Variants in CSMD2 observed in about 807,000 individuals in gnomAD.
CSMD2 encodes CUB and sushi domain-containing protein 2.
A neutral mutation model predicts 398.5 loss-of-function variants in CSMD2; 130 were observed. That is an observed-to-expected ratio of 0.33 (90% CI 0.28 to 0.38). The LOEUF is 0.38. CSMD2 is among the 10% of genes least tolerant of loss of function. The pLI, the probability that CSMD2 is intolerant of heterozygous loss-of-function variation, is 1.00. For missense variants in CSMD2, 3,829 were observed against 4,764.9 expected, an observed-to-expected ratio of 0.80 and a Z score of 5.78; for synonymous variants, 1,828 against 1,908.5, an observed-to-expected ratio of 0.96 and a Z score of 1.10.
chr1:33,894,060 A>T (rs1642221537), intron 5 of CSMD2, among the ~76,000 whole-genome samples: 1 of 151,968 alleles, frequency 6.6e-6, no homozygotes, highest in Non-Finnish European at 1.5e-5. Context: ...TGGATAATGG[A>T]TTCTTCTTTT....
At chr1:33,754,640 T>C (rs2149282202) in intron 13 of CSMD2, among the ~76,000 whole-genome samples, 1 of 152,378 alleles carries the variant, frequency 6.6e-6, no homozygotes, top group South Asian at 2.1e-4. Flanking sequence ...GTTTCAATTA[T>C]GTGCAAGTGT....
At chr1:33,836,572 C>G (rs933633409) in intron 6 of CSMD2, among the ~76,000 whole-genome samples, 1 of 152,186 alleles carries the variant, frequency 6.6e-6, no homozygotes, top group Non-Finnish European at 1.5e-5. Context: ...GTGGGCACCC[C>G]TCCCCTAGCC....
chr1:34,066,112 C>T (rs931681016), intron 2 of CSMD2, among the ~76,000 whole-genome samples: 1 of 152,132 alleles, frequency 6.6e-6, no homozygotes, highest in African/African-American at 2.4e-5. Context: ...AATACATTCC[C>T]CATAGGGCTG....
At chr1:34,011,604 C>T (rs1193385801) in intron 3 of CSMD2, among the ~76,000 whole-genome samples, 1 of 151,904 alleles carries the variant, frequency 6.6e-6, no homozygotes, top group African/African-American at 2.4e-5. Context: ...TTGTTGAGTA[C>T]ATAGGTGTAT....
At chr1:34,077,897 T>A (rs902700379) in intron 2 of CSMD2, among the ~76,000 whole-genome samples, 98 of 152,218 alleles carry the variant, frequency 6.4e-4, no homozygotes, top group African/African-American at 2.3e-3. Context: ...GTGCAATGTA[T>A]CCATGTAAAG....
intron 28 of CSMD2, among the ~76,000 whole-genome samples, chr1:33,648,567 T>A (rs1643587329): frequency 2.0e-5 from 3 of 152,084 alleles, no homozygotes. Context: ...GGTAATGGGT[T>A]TTTTTCTTTT....
Position 34,027,615 on chromosome 1 carries a change from A to G in CSMD2, c.517+4979T>C, listed in dbSNP as rs562250479. ...ACAGAAGATGACTGGTTAGATAACTATGGTATATGCAAACCACAATGGCTT... is the reference window on the plus strand; with the variant it reads ...ACAGAAGATGACTGGTTAGATAACTGTGGTATATGCAAACCACAATGGCTT... On this transcript the variant is annotated intron_variant, in intron 3 of 70. Transcript: ENST00000373381. Among the ~76,000 whole-genome samples the G allele has an allele frequency of 4.5e-4, 68 of 152,354 alleles. 1 individual carries two copies. Among genetic ancestry groups the G allele is most frequent in the African/African-American group, 1.5e-3 (64 of 41,588 alleles).
At chr1:33,929,230 C>T (rs957339040) in intron 4 of CSMD2, among the ~76,000 whole-genome samples, 1 of 152,138 alleles carries the variant, frequency 6.6e-6, no homozygotes, top group Non-Finnish European at 1.5e-5. Flanking sequence ...GTCCCTCCAC[C>T]TCTACTCCGG....
rs112489487 is a variant in CSMD2 at position 33,918,251 on chromosome 1, T to C, written c.763A>G (p.Ser255Gly). 1 of 1,614,078 alleles carries C rather than the reference T, an allele frequency of 6.2e-7. No individual in the cohort carries two copies. Among genetic ancestry groups the C allele is most frequent in the East Asian group, 2.2e-5 (1 of 44,870 alleles). ...TLRGQSGIIS[S>G]PHFPSEYHNN... Reference sequence around the variant, plus strand: ...TGGTACTCCGAGGGGAAGTGGGGGCTGGAGATGATGCCACTCTGGCCCCGC... The same window carrying C: ...TGGTACTCCGAGGGGAAGTGGGGGCCGGAGATGATGCCACTCTGGCCCCGC... Residue 255 changes from serine to glycine, a missense_variant, in exon 5 of 71, where the codon AGC becomes GGC. Ser to Gly is a moderately conservative substitution (Grantham distance 56). Coordinates refer to ENST00000373381, the MANE Select transcript of CSMD2 (RefSeq NM_001281956.2).
At chr1:34,098,756 C>G (rs1177807126) in intron 1 of CSMD2, among the ~76,000 whole-genome samples, 1 of 151,862 alleles carries the variant, frequency 6.6e-6, no homozygotes, top group African/African-American at 2.4e-5. Flanking sequence ...GCACCATATA[C>G]AAAAATAACT....
intron 3 of CSMD2, among the ~76,000 whole-genome samples, chr1:33,946,342 A>G (rs544719952): frequency 6.6e-6 from 1 of 152,348 alleles, no homozygotes; most frequent in Admixed American, 6.5e-5. Flanking sequence ...ATGAAAATAA[A>G]ACAACAATAG....
intron 12 of CSMD2, among the ~76,000 whole-genome samples, chr1:33,782,784 A>G (rs1357593613): frequency 6.6e-6 from 1 of 152,250 alleles, no homozygotes; most frequent in Non-Finnish European, 1.5e-5. Context: ...ATGGATTCGT[A>G]GAAACCAGAA....
intron 3 of CSMD2, among the ~76,000 whole-genome samples, chr1:33,953,457 T>C (rs1290573482): frequency 6.6e-5 from 10 of 152,208 alleles, no homozygotes. Flanking sequence ...AACGTTTCCA[T>C]GATGCCTACA....
At chr1:33,990,025 C>T (rs1197033666) in intron 3 of CSMD2, among the ~76,000 whole-genome samples, 1 of 151,968 alleles carries the variant, frequency 6.6e-6, no homozygotes, top group Non-Finnish European at 1.5e-5. Flanking sequence ...TTAAAAAAGA[C>T]TTTGGGAGGC....
chr1:33,910,393 A>G (rs1326073426), intron 5 of CSMD2, among the ~76,000 whole-genome samples: 1 of 152,202 alleles, frequency 6.6e-6, no homozygotes, highest in Non-Finnish European at 1.5e-5. Flanking sequence ...CCCTCAGTTC[A>G]ACTCAAAAAT....
chr1:33,836,480 A>T lies in CSMD2; in HGVS notation c.1033+10404T>A, dbSNP rs1268017396. Among the ~76,000 whole-genome samples the T allele has an allele frequency of 9.2e-5, 14 of 152,318 alleles. 1 individual carries two copies. In the East Asian group the frequency reaches 2.1e-3, roughly 23 times the overall value. On this transcript the variant is annotated intron_variant, in intron 6 of 70. Transcript: ENST00000373381. ...CCAAAGGTGGAATCTACAGAGGCAG[A>T]CCAGCATCCTGGAGTTGTGGTGGGC...
intron 44 of CSMD2, chr1:33,598,665 G>GTTTTTTTTTTTTTTT (rs5773419): frequency 6.8e-5 from 5 of 73,916 alleles, no homozygotes; most frequent in African/African-American, 2.3e-4. Context: ...AGTTTCCTGT[G>GTTTTTTTTTTTTTTT]TTTTTTTTTT....
chr1:33,678,490 G>A (rs1644796025), intron 25 of CSMD2, among the ~76,000 whole-genome samples: 1 of 152,088 alleles, frequency 6.6e-6, no homozygotes, highest in Non-Finnish European at 1.5e-5. Context: ...TCGCTGATGT[G>A]AGTCATGATG....
At chr1:33,784,417 T>C (rs12406446) in intron 12 of CSMD2, among the ~76,000 whole-genome samples, 29,290 of 152,074 alleles carry the variant, frequency 0.19, 3,023 homozygotes, top group African/African-American at 0.26. Flanking sequence ...TGATGGGCTT[T>C]GCCCCTCATA....
Sources: allele counts gnomAD v4.1 joint callset (sites outside exome capture counted in the v4.1 genomes callset), GRCh38; gene constraint gnomAD v4.1.1; transcripts MANE v1.5; gene names NCBI Gene and HGNC (gene_info 2026-07-23, HGNC 2026-07-21).